Variants in TRRAP observed in about 807,000 individuals in gnomAD.
TRRAP encodes transformation/transcription domain associated protein.
TRRAP carries 41 observed loss-of-function variants against 438.8 expected under a neutral mutation model. The ratio of observed to expected loss-of-function variants is 0.09; its 90% CI spans 0.07 to 0.12. The LOEUF (loss-of-function observed/expected upper bound fraction) is 0.12, where lower values mean the gene tolerates loss of function less well. TRRAP is among the 10% of genes least tolerant of loss of function. The pLI is 1.00. For synonymous variants in TRRAP, 1,994 were observed against 1,962.9 expected (o/e 1.02, Z -0.42); for missense variants, 3,122 against 5,055.1 (o/e 0.62, Z 11.60).
chr7:98,970,398 A>G lies in TRRAP; in HGVS notation c.7692+107A>G, dbSNP rs938223390. ...TGAGACCCCGTGCCCCACGGGCAGA[A>G]TCCCAGAGAGGAGGTGAGGCCCCGC... On this transcript the variant is annotated intron_variant, in intron 52 of 72. Transcript: ENST00000456197. 10 of 1,387,156 alleles carry G rather than the reference A, an allele frequency of 7.2e-6. No homozygotes were observed. In the African/African-American group the frequency reaches 1.4e-4, roughly 20 times the overall value. 85.9% of individuals were successfully genotyped at this position (1,387,156 alleles called of 1,614,324 possible). A position where few individuals can be genotyped will look rare whatever the true frequency, so the allele number is the denominator to read the frequency against.
intron 53 of TRRAP, among the ~76,000 whole-genome samples, chr7:98,972,196 C>A (rs891321047): frequency 6.6e-6 from 1 of 152,164 alleles, no homozygotes; most frequent in African/African-American, 2.4e-5. Context: ...CATAGGCTGC[C>A]ACACCCAGCT....
intron 25 of TRRAP, 61 bp from the exon 26 acceptor site, chr7:98,931,344 G>T: frequency 6.3e-7 from 1 of 1,581,590 alleles, no homozygotes. Context: ...GTGTGCAGGA[G>T]ACGGCAGTTG....
In TRRAP at chr7:98,948,520, T is replaced by C. The variant is rs377464947; in HGVS notation, c.4669-46T>C. 137 of 1,613,880 alleles carry C rather than the reference T, an allele frequency of 8.5e-5. No homozygotes were observed. Among genetic ancestry groups the C allele is most frequent in the Non-Finnish European group, 1.1e-4 (132 of 1,180,008 alleles). ...TTGTTAGGTAGACAGCCTCAAGCTC[T>C]GAGAAGAGGAAGTTGTGAGATGCAG... On this transcript the variant is annotated intron_variant, in intron 34 of 72. Transcript: ENST00000456197. The surrounding 1 kb of genome is among the most constrained non-coding windows in gnomAD (Gnocchi z 4.9).
chr7:98,988,873 G>C lies in TRRAP; in HGVS notation c.9498G>C (p.Glu3166Asp). Reference sequence around the variant, plus strand: ...ACCTGGAGAACATCTTTGTGAAGGAGCGGCAGCTGCACCTGGGCGTGTCTG... The same window carrying C: ...ACCTGGAGAACATCTTTGTGAAGGACCGGCAGCTGCACCTGGGCGTGTCTG... The part of the protein sequence containing the change: ...GDYLENIFVK[E>D]RQLHLGVSAI... Residue 3166 changes from glutamate (E) to aspartate (D), a missense_variant, in exon 63 of 73, where the codon GAG becomes GAC. Around this residue, in one of 24 missense-constraint regions of TRRAP, gnomAD observed 23 missense variants for 18.2 expected, o/e 1.27. Transcript: ENST00000456197. The C allele has an allele frequency of 6.2e-7, 1 of 1,614,198 alleles. No homozygotes were observed. Among genetic ancestry groups the C allele is most frequent in the Non-Finnish European group, 8.5e-7 (1 of 1,180,032 alleles).
chr7:98,904,546 A>G (rs1796632942), intron 12 of TRRAP, among the ~76,000 whole-genome samples: 1 of 151,070 alleles, frequency 6.6e-6, no homozygotes, highest in African/African-American at 2.4e-5. Context: ...CCTTCCCGTT[A>G]CTGTACAAGC....
At position 98,897,781 on chromosome 7, in the gene TRRAP, C is replaced by T. The variant is rs1419520499; in HGVS notation, c.548C>T (p.Thr183Ile). ...AACCCTCAAGTGATCCCCGAGAACA[C>T]AGTGCCTCCCCCAGAAATGGTTGGT... ...FENPQVIPEN[T>I]VPPPEMVGMI... is the part of the protein sequence containing the mutation. Residue 183 changes from threonine (T) to isoleucine (I), a missense_variant, in exon 8 of 73, where the codon ACA (threonine) becomes ATA (isoleucine). Transcript: ENST00000456197. 1 of 1,613,902 alleles carries T rather than the reference C, an allele frequency of 6.2e-7. No homozygotes were observed. Among genetic ancestry groups the T allele is most frequent in the Non-Finnish European group, 8.5e-7 (1 of 1,179,974 alleles).
At chr7:98,990,158 G>A (rs555026722) in intron 63 of TRRAP, among the ~76,000 whole-genome samples, 3 of 152,314 alleles carry the variant, frequency 2.0e-5, no homozygotes, top group East Asian at 3.9e-4. Flanking sequence ...AACCCGGGAG[G>A]TGGAGGTTGC....
At chr7:98,882,052 A>G (rs1554403190) in intron 3 of TRRAP, 28 bp downstream of exon 3, 1 of 1,582,828 alleles carries the variant, frequency 6.3e-7, no homozygotes, top group Non-Finnish European at 8.6e-7. Flanking sequence ...TCTATTTTTC[A>G]TTTTGAGGTA....
intron 12 of TRRAP, 107 bp downstream of exon 12, chr7:98,903,624 GCTTCCTTCAT>G: frequency 1.3e-6 from 2 of 1,484,888 alleles, no homozygotes; most frequent in Non-Finnish European, 1.8e-6. Context: ...ATGTATCCTT[GCTTCCTTCAT>G]TGCTGTCTTG....
intron 45 of TRRAP, among the ~76,000 whole-genome samples, chr7:98,959,988 A>G (rs536610363): frequency 6.6e-6 from 1 of 151,272 alleles, no homozygotes; most frequent in Admixed American, 6.6e-5. Flanking sequence ...TGGCTTTGGG[A>G]CTTGAGCTTT....
In TRRAP at chr7:98,994,961, C is replaced by A; in HGVS notation, c.10309+113C>A. 1 of 1,408,314 alleles carries A rather than the reference C, an allele frequency of 7.1e-7. No individual in the cohort carries two copies. The highest frequency in any genetic ancestry group is 9.6e-7 in the Non-Finnish European group (1 of 1,037,116). 87.2% of individuals were successfully genotyped at this position (1,408,314 alleles called of 1,614,324 possible). On this transcript the variant is annotated intron_variant, in intron 67 of 72. Transcript: ENST00000456197. This position sits in a 1 kb window ranked among gnomAD's most constrained non-coding sequence, Gnocchi z 4.8. ...GGTTTTCTGATCACTGCACGGGGCA[C>A]ACTGGTTACACTCTGTTTACAGTGC...
intron 24 of TRRAP, among the ~76,000 whole-genome samples, 166 bp from the exon 25 acceptor site, chr7:98,930,467 A>G (rs1790276477): frequency 1.3e-5 from 2 of 152,118 alleles, no homozygotes; most frequent in Non-Finnish European, 2.9e-5. Flanking sequence ...AATCCCAGCT[A>G]CTCGGGAGGC....
chr7:98,896,244 T>C (rs1280491623), intron 7 of TRRAP, among the ~76,000 whole-genome samples: 1 of 152,122 alleles, frequency 6.6e-6, no homozygotes, highest in Non-Finnish European at 1.5e-5. Context: ...AACTTTTTTT[T>C]CGATCTCATT....
intron 3 of TRRAP, among the ~76,000 whole-genome samples, chr7:98,883,617 T>A (rs1365570985): frequency 6.6e-6 from 1 of 152,176 alleles, no homozygotes; most frequent in Non-Finnish European, 1.5e-5. Context: ...TGGGCTCAGG[T>A]GAGCCTCCCA....
At chr7:98,983,856 A>G (rs1478064547) in intron 60 of TRRAP, among the ~76,000 whole-genome samples, 1 of 152,144 alleles carries the variant, frequency 6.6e-6, no homozygotes, top group Admixed American at 6.5e-5. Flanking sequence ...CCACGTGTTT[A>G]GAGCAGCCTT....
chr7:99,002,039 G>A lies in TRRAP; in HGVS notation c.10310-2151G>A, dbSNP rs151158976. Among the ~76,000 whole-genome samples the A allele has an allele frequency of 3.3e-5, 5 of 151,760 alleles. No homozygotes were observed. In the East Asian group the frequency reaches 9.7e-4, roughly 29 times the overall value. ...CAAAAAGCCAACTTGGATGTGTACT[G>A]AGGGATTCTTAATTGTGAAATACCA... is the stretch of plus-strand genomic sequence containing the variant. On this transcript the variant is annotated intron_variant, in intron 67 of 72. Transcript: ENST00000456197.
Position 98,949,452 on chromosome 7 carries a change from G to A in TRRAP, c.4824G>A (p.Arg1608=), listed in dbSNP as rs981675815. The stretch of plus-strand genomic sequence containing the variant: ...AACACAAAGACGCCAGACCTCTGCG[G>A]GATGTGCTGGCTGCCAACCCCAACA... The part of the protein sequence containing the change: ...FLKHKDARPL[R]DVLAANPNRF... Residue 1608 remains arginine, a synonymous_variant, in exon 36 of 73, where the codon CGG becomes CGA. Coordinates refer to ENST00000456197, the MANE Select transcript of TRRAP (RefSeq NM_001375524.1). The A allele has an allele frequency of 1.9e-6, 3 of 1,601,934 alleles. No homozygotes were observed. The highest frequency in any genetic ancestry group is 2.6e-6 in the Non-Finnish European group (3 of 1,176,134).
intron 22 of TRRAP, 88 bp downstream of exon 22, chr7:98,925,351 A>G (rs1419558378): frequency 1.9e-6 from 3 of 1,539,252 alleles, no homozygotes; most frequent in Non-Finnish European, 2.6e-6. Context: ...TCCTGGTGCT[A>G]GGAGCAGGCT....
At chr7:98,974,142 G>A (rs757629937) in intron 53 of TRRAP, among the ~76,000 whole-genome samples, 7 of 152,226 alleles carry the variant, frequency 4.6e-5, no homozygotes, top group Non-Finnish European at 7.3e-5. Flanking sequence ...CTCAGGAGGC[G>A]AGATGGGTGC....
Sources: gnomAD v4.1 joint callset for allele counts (sites outside exome capture counted in the v4.1 genomes callset) on GRCh38, gnomAD v4.1.1 for gene constraint, gnomAD v4.1.1 regional missense constraint, Gnocchi (gnomAD v3.1) non-coding constraint, MANE v1.5 for transcripts, NCBI Gene and HGNC (gene_info 2026-07-23, HGNC 2026-07-21) for gene names.